Variants in HMCN1 observed in about 807,000 individuals in gnomAD.
The protein encoded by HMCN1 is hemicentin-1.
In HMCN1, 321 loss-of-function variants were observed where a neutral mutation model predicts 625.9. The ratio of observed to expected loss-of-function variants is 0.51; its 90% confidence interval spans 0.47 to 0.56. The LOEUF (loss-of-function observed/expected upper bound fraction) is 0.56, where lower values mean the gene tolerates loss of function less well. Ranked by LOEUF, HMCN1 falls within the 20% of genes least tolerant of loss-of-function variation. HMCN1 has a pLI of 0.00. For synonymous variants in HMCN1, 2,425 were observed against 2,417.6 expected (o/e 1.00, Z -0.09); for missense variants, 6,588 against 6,887.3 (o/e 0.96, Z 1.54).
Position 186,078,109 on chromosome 1 carries a change from G to A in HMCN1, c.8488G>A (p.Gly2830Arg). The A allele has an allele frequency of 1.2e-6, 2 of 1,609,766 alleles. No homozygotes were observed. Among genetic ancestry groups the A allele is most frequent in the South Asian group, 1.1e-5 (1 of 90,910 alleles). ...SSDKVLILPGGRVLQIPRAKV... is the reference protein window; with the variant it reads ...SSDKVLILPGRRVLQIPRAKV... The stretch of plus-strand genomic sequence containing the variant: ...ACATAGTGGGATATTATTTTCAGGA[G>A]GGCGAGTGTTGCAGATTCCTCGGGC... Residue 2830 changes from glycine (G) to arginine (R), a missense_variant and splice_region_variant, in exon 55 of 107, where the codon GGG becomes AGG. Physicochemically the swap from Gly to Arg is moderately radical, Grantham distance 125 (BLOSUM62 -2). Transcript: ENST00000271588.
intron 102 of HMCN1, among the ~76,000 whole-genome samples, chr1:186,173,804 A>G (rs1397963996): frequency 6.6e-6 from 1 of 152,156 alleles, no homozygotes; most frequent in Non-Finnish European, 1.5e-5. Context: ...AAGAAGCTAC[A>G]GCAAAAATCT....
chr1:185,951,339 C>A (rs1020164843), intron 11 of HMCN1, among the ~76,000 whole-genome samples: 1 of 151,600 alleles, frequency 6.6e-6, no homozygotes, highest in Non-Finnish European at 1.5e-5. Context: ...AAGTTGGCAC[C>A]ACAGCTGGGG....
intron 26 of HMCN1, 133 bp from the exon 27 acceptor site, chr1:186,001,165 A>G (rs1653171601): frequency 2.7e-6 from 2 of 740,410 alleles, no homozygotes; most frequent in Non-Finnish European, 4.5e-6. Flanking sequence ...ATAACAAAGC[A>G]TATGCTTAAA....
intron 4 of HMCN1, among the ~76,000 whole-genome samples, chr1:185,906,280 T>G (rs1245005619): frequency 6.6e-6 from 1 of 151,790 alleles, no homozygotes; most frequent in Admixed American, 6.6e-5. Flanking sequence ...TGATTTTTCT[T>G]ATAAGTGGAT....
Position 186,060,931 on chromosome 1 carries a change from C to T in HMCN1, c.7313-920C>T, listed in dbSNP as rs556371380. Among the ~76,000 whole-genome samples the T allele has an allele frequency of 5.9e-5, 9 of 152,162 alleles. No homozygotes were observed. The East Asian group carries it at 1.7e-3, about 29-fold the overall frequency. On this transcript the variant is annotated intron_variant, in intron 46 of 106. Coordinates refer to ENST00000271588, the MANE Select transcript of HMCN1 (RefSeq NM_031935.3). ...CTAAGCACGAATCAGATCATAAGCC[C>T]TGTTTGTTTATACACTCCATAGTCT...
intron 71 of HMCN1, among the ~76,000 whole-genome samples, chr1:186,109,987 ATCC>A (rs1660801028): frequency 6.6e-6 from 1 of 152,186 alleles, no homozygotes; most frequent in African/African-American, 2.4e-5. Flanking sequence ...GTCTAGGTTG[ATCC>A]CAGGTTGACC....
intron 1 of HMCN1, among the ~76,000 whole-genome samples, chr1:185,840,755 A>G (rs978446721): frequency 1.3e-5 from 2 of 152,160 alleles, no homozygotes; most frequent in Non-Finnish European, 2.9e-5. Context: ...TAATGCCTTG[A>G]AAATATTGAT....
At chr1:186,006,848 TAAAAC>T (rs1653666942) in intron 29 of HMCN1, among the ~76,000 whole-genome samples, 1 of 151,784 alleles carries the variant, frequency 6.6e-6, no homozygotes, top group Non-Finnish European at 1.5e-5. Context: ...GATGAATGAA[TAAAAC>T]AAATAATGAC....
chr1:185,779,594 T>A (rs939504200), intron 1 of HMCN1, among the ~76,000 whole-genome samples: 14 of 152,268 alleles, frequency 9.2e-5, no homozygotes, highest in Admixed American at 7.8e-4. Flanking sequence ...GACCATTTAT[T>A]AAATAGAGAA....
At position 185,987,510 on chromosome 1, in the gene HMCN1, G is replaced by C. The variant is rs373784136; in HGVS notation, c.3014G>C (p.Ser1005Thr). ...GIPVTLPCKA[S>T]GNPKPSVIWS... ...CCAGTAACTTTACCATGCAAAGCAA[G>C]TGGAAATCCCAAACCGTCTGTCATC... The change falls in exon 20 of 107, where the codon AGT becomes ACT. Residue 1005 changes from serine (S) to threonine (T), a missense_variant. Physicochemically the swap from Ser to Thr is moderately conservative, Grantham distance 58. Around this residue, in one of 3 missense-constraint regions of HMCN1, gnomAD observed 4,628 missense variants for 4,853.1 expected, o/e 0.95. Transcript: ENST00000271588. 1.9e-6 allele frequency: 3 copies of C among 1,613,346 alleles called. No homozygotes were observed. The highest frequency in any genetic ancestry group is 2.5e-6 in the Non-Finnish European group (3 of 1,179,378).
chr1:186,185,479 G>T (rs1195555376), intron 105 of HMCN1, among the ~76,000 whole-genome samples: 1 of 152,166 alleles, frequency 6.6e-6, no homozygotes, highest in African/African-American at 2.4e-5. Context: ...AGACTTCACT[G>T]AAAAAGTTTG....
At position 185,825,994 on chromosome 1, in the gene HMCN1, G is replaced by T. The variant is rs1660487703; in HGVS notation, c.269-20032G>T. On this transcript the variant is annotated intron_variant, in intron 1 of 106. Coordinates refer to ENST00000271588, the MANE Select transcript of HMCN1 (RefSeq NM_031935.3). ...TATTTAAAAGTTATCTTGGGAGAAT[G>T]AGAATTTATTTGAGTGGGGTTCAGA... Among the ~76,000 whole-genome samples the T allele has an allele frequency of 1.3e-5, 2 of 152,188 alleles. 1 individual carries two copies. Among genetic ancestry groups the T allele is most frequent in the South Asian group, 4.1e-4 (2 of 4,828 alleles).
intron 42 of HMCN1, among the ~76,000 whole-genome samples, chr1:186,052,502 C>T (rs1312613217): frequency 6.6e-6 from 1 of 151,998 alleles, no homozygotes; most frequent in Non-Finnish European, 1.5e-5. Context: ...AACCCCTTGC[C>T]TCTGTTCTTT....
intron 1 of HMCN1, among the ~76,000 whole-genome samples, chr1:185,737,403 G>A (rs1030161344): frequency 1.3e-5 from 2 of 152,120 alleles, no homozygotes; most frequent in African/African-American, 4.8e-5. Context: ...TGCTGCCTTG[G>A]CCTCCCAAAG....
At position 186,093,043 on chromosome 1, in the gene HMCN1, A is replaced by G. The variant is rs1005053038; in HGVS notation, c.9888-91A>G. ...CAGTTGGTTGCTTGAATTTTCCATC[A>G]CTTTCAGTAACTGATTTTAATAGGC... On this transcript the variant is annotated intron_variant, in intron 64 of 106. Coordinates refer to ENST00000271588, the MANE Select transcript of HMCN1 (RefSeq NM_031935.3). 1.9e-6 allele frequency: 3 copies of G among 1,552,584 alleles called. No individual in the cohort carries two copies. The Admixed American group carries it at 5.0e-5, about 26-fold the overall frequency.
intron 1 of HMCN1, among the ~76,000 whole-genome samples, chr1:185,760,403 A>C (rs759298362): frequency 2.0e-5 from 3 of 152,196 alleles, no homozygotes; most frequent in Non-Finnish European, 4.4e-5. Flanking sequence ...GTGAGTAGAG[A>C]ATATGTCTTA....
chr1:186,044,011 G>A (rs892461639), intron 40 of HMCN1, among the ~76,000 whole-genome samples: 3 of 152,048 alleles, frequency 2.0e-5, no homozygotes, highest in Non-Finnish European at 2.9e-5. Flanking sequence ...AACCTGGGAG[G>A]CAAAGTTTGC....
At chr1:186,075,026 C>T (rs1367071778) in intron 53 of HMCN1, 135 bp downstream of exon 53, 12 of 737,680 alleles carry the variant, frequency 1.6e-5, no homozygotes, top group African/African-American at 3.6e-5. Flanking sequence ...AATTTAGACT[C>T]GAGAATTAAA....
intron 4 of HMCN1, among the ~76,000 whole-genome samples, chr1:185,894,008 C>A (rs112309722): frequency 7.9e-5 from 12 of 151,558 alleles, no homozygotes; most frequent in African/African-American, 2.9e-4. Flanking sequence ...AGTGGCGGGC[C>A]CCTGTAGTCC....
Sources: allele counts gnomAD v4.1 joint callset (sites outside exome capture counted in the v4.1 genomes callset), GRCh38; gene constraint gnomAD v4.1.1; regional missense constraint gnomAD v4.1.1; transcripts MANE v1.5; gene names NCBI Gene and HGNC (gene_info 2026-07-23, HGNC 2026-07-21).